FAM186A: variants seen among roughly 807,000 people sequenced by gnomAD.
FAM186A encodes the protein family with sequence similarity 186 member A, also known as protein FAM186A.
FAM186A carries 163 observed loss-of-function variants against 216.8 expected under a neutral mutation model. That is an observed-to-expected ratio of 0.75 (90% CI 0.66 to 0.86). The LOEUF (loss-of-function observed/expected upper bound fraction) is 0.86. FAM186A is among the 40% of genes least tolerant of loss of function. The probability of loss-of-function intolerance (pLI) is 0.00; values close to 1 mark genes in which losing one functional copy is unlikely to be tolerated. For missense variants in FAM186A, 2,184 were observed against 2,746.2 expected (o/e 0.80, Z 4.58); for synonymous variants, 805 against 1,025.3 (o/e 0.79, Z 4.10).
chr12:50,396,336 A>G lies in FAM186A; in HGVS notation c.149T>C (p.Ile50Thr). Reference protein sequence around the residue: ...NLEIPFSVKDIISRIERAQLH... With the variant: ...NLEIPFSVKDTISRIERAQLH... The stretch of plus-strand genomic sequence containing the variant: ...CTGTGCGCGCTCAATCCTAGAGATG[A>G]TATCCTTTACTGAGAATGGGATCTC... The change falls in exon 1 of 8, where the codon ATC becomes ACC. Residue 50 changes from isoleucine (I) to threonine (T), a missense_variant. Ile to Thr is a moderately conservative substitution (Grantham distance 89). This residue lies in a region of FAM186A where 1,132 missense variants were observed against 1,263.4 expected (regional missense o/e 0.90). Transcript: ENST00000327337. 1 of 1,551,578 alleles carries G rather than the reference A, an allele frequency of 6.4e-7. No homozygotes were observed. The highest frequency in any genetic ancestry group is 8.7e-7 in the Non-Finnish European group (1 of 1,146,960).
chr12:50,363,936 G>A (rs1013232999), intron 1 of FAM186A, among the ~76,000 whole-genome samples: 7 of 151,992 alleles, frequency 4.6e-5, no homozygotes, highest in Admixed American at 1.3e-4. Context: ...TTGAGTATAT[G>A]GGGAAGAGAA....
At chr12:50,393,308 C>T (rs1167121025) in intron 1 of FAM186A, among the ~76,000 whole-genome samples, 2 of 151,930 alleles carry the variant, frequency 1.3e-5, no homozygotes, top group Non-Finnish European at 2.9e-5. Flanking sequence ...GAGGCCGAGG[C>T]GGGAGGATCA....
intron 5 of FAM186A, among the ~76,000 whole-genome samples, chr12:50,333,267 C>T (rs997268773): frequency 5.3e-5 from 8 of 152,040 alleles, no homozygotes; most frequent in Admixed American, 2.0e-4. Context: ...CGTGGTGGCT[C>T]ACGCCTGTAA....
In FAM186A at chr12:50,334,202, AT is replaced by A. The variant is rs1942685501; in HGVS notation, c.6504-100del. 4.6e-6 allele frequency: 5 copies of A among 1,076,558 alleles called. No individual in the cohort carries two copies. In the South Asian group the frequency reaches 8.8e-5, roughly 19 times the overall value. 66.7% of individuals were successfully genotyped at this position (1,076,558 alleles called of 1,614,324 possible). On this transcript the variant is annotated intron_variant, in intron 4 of 7. Coordinates refer to ENST00000327337, the MANE Select transcript of FAM186A (RefSeq NM_001145475.3). ...TTTTTTTTTTTGAGACGGAGTTTCG[AT>A]CTTGTTGCCCAGGCTGGAGGTGCAA... is the stretch of plus-strand genomic sequence containing the variant.
In FAM186A at chr12:50,343,529, C is replaced by T. The variant is rs543496757; in HGVS notation, c.6503+6800G>A. ...TTGGCTCATTGCAACCTCCGTCTCC[C>T]GGGCTCAAGCAATTCTCATGCCTCA... On this transcript the variant is annotated intron_variant, in intron 4 of 7. Coordinates refer to ENST00000327337, the MANE Select transcript of FAM186A (RefSeq NM_001145475.3). 1.2e-3 allele frequency among the ~76,000 whole-genome samples: 182 copies of T among 152,146 alleles called. 2 individuals are homozygous for T. Among genetic ancestry groups the T allele is most frequent in the African/African-American group, 4.1e-3 (170 of 41,516 alleles).
chr12:50,384,410 G>T (rs1274999934), intron 1 of FAM186A, among the ~76,000 whole-genome samples: 2 of 152,084 alleles, frequency 1.3e-5, no homozygotes, highest in Non-Finnish European at 2.9e-5. Flanking sequence ...GGGTGACAGA[G>T]CCAGACCATG....
Position 50,351,139 on chromosome 12 carries a change from G to A in FAM186A, c.5693C>T (p.Pro1898Leu). 1.9e-6 allele frequency: 3 copies of A among 1,551,584 alleles called. No homozygotes were observed. Among genetic ancestry groups the A allele is most frequent in the South Asian group, 1.2e-5 (1 of 84,046 alleles). ...FQPPATAEQS[P>L]YLQAPSTPGQ... The stretch of plus-strand genomic sequence containing the variant: ...AGGGGTAGAAGGAGCCTGCAGATAG[G>A]GAGATTGCTCAGCAGTGGCAGGAGG... The change falls in exon 4 of 8, where the codon CCC (proline) becomes CTC (leucine). Residue 1898 changes from proline (P) to leucine (L), a missense_variant. Coordinates refer to ENST00000327337, the MANE Select transcript of FAM186A (RefSeq NM_001145475.3).
intron 2 of FAM186A, 104 bp from the exon 3 acceptor site, chr12:50,361,030 G>T: frequency 1.3e-6 from 1 of 781,886 alleles, no homozygotes; most frequent in Non-Finnish European, 1.9e-6. Flanking sequence ...TAATATTGGG[G>T]AATATAGGTA....
intron 1 of FAM186A, among the ~76,000 whole-genome samples, chr12:50,383,946 T>C (rs1473586146): frequency 6.6e-6 from 1 of 151,954 alleles, no homozygotes; most frequent in Non-Finnish European, 1.5e-5. Flanking sequence ...GGTGAGACCC[T>C]ATCTCTACTA....
Position 50,330,648 on chromosome 12 carries a change from T to A in FAM186A, c.6959A>T (p.Tyr2320Phe). 6.4e-7 allele frequency: 1 copy of A among 1,550,580 alleles called. No individual in the cohort carries two copies. Residue 2320 changes from tyrosine to phenylalanine, a missense_variant, in exon 7 of 8, where the codon TAC becomes TTC. Physicochemically the swap from Tyr to Phe is conservative, Grantham distance 22. This residue lies in a region of FAM186A where 721 missense variants were observed against 816.4 expected (regional missense o/e 0.88). Coordinates refer to ENST00000327337, the MANE Select transcript of FAM186A (RefSeq NM_001145475.3). ...CTGAAGCAGCCTGGGAATATCTGGG[T>A]ACCCACCCAGCTGGGCCCAGAGTGA... ...MHSLWAQLGG[Y>F]PDIPRLLQLE...
At chr12:50,340,939 G>A (rs2138764306) in intron 4 of FAM186A, among the ~76,000 whole-genome samples, 1 of 152,014 alleles carries the variant, frequency 6.6e-6, no homozygotes, top group Admixed American at 6.6e-5. Context: ...CAGCATTACA[G>A]GTGCACGCCA....
At position 50,395,189 on chromosome 12, in the gene FAM186A, G is replaced by A. The variant is rs145963710; in HGVS notation, c.192+1104C>T. Reference sequence around the variant, plus strand: ...GCATGGTGCTCACTGCAGTCTCCTGGGTTCAGGGGATCCTCTGGCCTCCCA... The same window carrying A: ...GCATGGTGCTCACTGCAGTCTCCTGAGTTCAGGGGATCCTCTGGCCTCCCA... On this transcript the variant is annotated intron_variant, in intron 1 of 7. Coordinates refer to ENST00000327337, the MANE Select transcript of FAM186A (RefSeq NM_001145475.3). Among the ~76,000 whole-genome samples, 640 of 152,224 alleles carry A rather than the reference G, an allele frequency of 4.2e-3. 5 individuals carry two copies. Among genetic ancestry groups the A allele is most frequent in the African/African-American group, 0.014 (602 of 41,532 alleles).
intron 1 of FAM186A, among the ~76,000 whole-genome samples, chr12:50,385,403 G>A (rs1943292899): frequency 7.3e-6 from 1 of 136,500 alleles, no homozygotes; most frequent in African/African-American, 2.8e-5. Flanking sequence ...GGGCGACAGA[G>A]CAAGACTCTG....
chr12:50,374,016 T>C (rs1395730632), intron 1 of FAM186A, among the ~76,000 whole-genome samples: 3 of 151,556 alleles, frequency 2.0e-5, no homozygotes, highest in Non-Finnish European at 4.4e-5. Flanking sequence ...ATGGATGAAA[T>C]TGGAAATCAT....
chr12:50,331,783 G>T lies in FAM186A; in HGVS notation c.6735C>A (p.Ile2245=). The T allele has an allele frequency of 6.5e-7, 1 of 1,544,800 alleles. No individual in the cohort carries two copies. The highest frequency in any genetic ancestry group is 8.7e-7 in the Non-Finnish European group (1 of 1,145,530). Residue 2245 remains isoleucine (I), a synonymous_variant, in exon 6 of 8, where the codon ATC becomes ATA. Transcript: ENST00000327337. ...KIHELNLSQP[I]PLIIEEKQIP... is the part of the protein sequence containing the mutation. ...TCTGCTTTTCTTCGATGATTAAGGG[G>T]ATAGGTTGACTAAGATTCAATTCAT...
Position 50,355,128 on chromosome 12 carries a change from T to C in FAM186A, c.1704A>G (p.Glu568=). ...CTTTGTCCAATGACTCAGTGGTGGGTTCCACTTTAATCTCTGCTGCAGTTG... is the reference window on the plus strand; with the variant it reads ...CTTTGTCCAATGACTCAGTGGTGGGCTCCACTTTAATCTCTGCTGCAGTTG... The part of the protein sequence containing the change: ...KRPTAAEIKV[E]PTTESLDKEG... The change falls in exon 4 of 8, where the codon GAA becomes GAG. Residue 568 remains glutamate (E), a synonymous_variant. Coordinates refer to ENST00000327337, the MANE Select transcript of FAM186A (RefSeq NM_001145475.3). The C allele has an allele frequency of 6.4e-7, 1 of 1,551,658 alleles. No homozygotes were observed.
At position 50,351,661 on chromosome 12, in the gene FAM186A, G is replaced by C; in HGVS notation, c.5171C>G (p.Thr1724Ser). The C allele has an allele frequency of 6.4e-7, 1 of 1,551,640 alleles. No homozygotes were observed. Among genetic ancestry groups the C allele is most frequent in the Admixed American group, 2.0e-5 (1 of 50,992 alleles). ...CAATCTTGATATGATGGATTGCCCA[G>C]TGGGGAGAGAAGCCTTCGATTTCTG... ...PFQKSKASLP[T>S]GQSIISRLSP... Residue 1724 changes from threonine to serine, a missense_variant, in exon 4 of 8, where the codon ACT becomes AGT. Physicochemically the swap from Thr to Ser is moderately conservative, Grantham distance 58. Coordinates refer to ENST00000327337, the MANE Select transcript of FAM186A (RefSeq NM_001145475.3).
chr12:50,354,983 T>C lies in FAM186A; in HGVS notation c.1849A>G (p.Ile617Val), dbSNP rs773581645. The change falls in exon 4 of 8, where the codon ATC (isoleucine) becomes GTC (valine). Residue 617 changes from isoleucine (I) to valine (V), a missense_variant. By Grantham distance (29) the Ile-to-Val change is conservative. Transcript: ENST00000327337. ...GKKHHISSGT[I>V]TSKEEKTEEK... ...TCAGTTTTTTCTTCTTTGCTTGTGA[T>C]AGTTCCTGAAGAGATATGGTGTTTC... 116 of 1,550,206 alleles carry C rather than the reference T, an allele frequency of 7.5e-5. No individual in the cohort carries two copies. Among genetic ancestry groups the C allele is most frequent in the Middle Eastern group, 1.7e-4 (1 of 6,010 alleles).
intron 4 of FAM186A, among the ~76,000 whole-genome samples, chr12:50,336,569 C>A (rs919795547): frequency 3.3e-5 from 5 of 152,258 alleles, no homozygotes; most frequent in African/African-American, 1.2e-4. Flanking sequence ...TCTCAGGTAA[C>A]TCTTACTTTA....
Sources: allele counts gnomAD v4.1 joint callset (sites outside exome capture counted in the v4.1 genomes callset), GRCh38; gene constraint gnomAD v4.1.1; regional missense constraint gnomAD v4.1.1; transcripts MANE v1.5; gene names NCBI Gene and HGNC (gene_info 2026-07-23, HGNC 2026-07-21).